Variants in EYS observed in about 807,000 individuals in gnomAD.
EYS encodes the protein protein eyes shut homolog.
Under a neutral mutation model 282.1 loss-of-function variants are expected in EYS, and 250 were observed. The observed-to-expected ratio is 0.89, with a 90% CI of 0.80 to 0.98. The LOEUF is 0.98. Ranked by LOEUF, EYS falls within the 50% of genes least tolerant of loss-of-function variation. The pLI is 0.00. For synonymous variants in EYS, 1,355 were observed against 1,282.9 expected, an observed-to-expected ratio of 1.06 and a Z score of -1.20; for missense variants, 4,016 against 3,709.0, an observed-to-expected ratio of 1.08 and a Z score of -2.15.
At chr6:64,686,024 C>G (rs1364197165) in intron 22 of EYS, among the ~76,000 whole-genome samples, 1 of 151,360 alleles carries the variant, frequency 6.6e-6, no homozygotes, top group East Asian at 1.9e-4. Flanking sequence ...TTGGAAATTA[C>G]ACAATGCACT....
chr6:65,397,562 G>T (rs1401482717), intron 7 of EYS, among the ~76,000 whole-genome samples: 1 of 145,646 alleles, frequency 6.9e-6, no homozygotes, highest in East Asian at 2.0e-4. Context: ...TATTATTTTG[G>T]GTGGCTAAGT....
chr6:64,671,068 A>G (rs1467017486), intron 22 of EYS, among the ~76,000 whole-genome samples: 1 of 152,222 alleles, frequency 6.6e-6, no homozygotes, highest in Non-Finnish European at 1.5e-5. Flanking sequence ...CCTCAAGGCT[A>G]GAAAAACTTC....
At chr6:65,139,580 C>T (rs1430094272) in intron 12 of EYS, among the ~76,000 whole-genome samples, 1 of 152,042 alleles carries the variant, frequency 6.6e-6, no homozygotes, top group East Asian at 1.9e-4. Flanking sequence ...AGCCCTGAAC[C>T]TAAAATAAAC....
Position 64,152,502 on chromosome 6 carries a change from A to G in EYS, c.6425-70500T>C, listed in dbSNP as rs185867972. Among the ~76,000 whole-genome samples, 483 of 152,238 alleles carry G rather than the reference A, an allele frequency of 3.2e-3. 3 individuals are homozygous for G. The highest frequency in any genetic ancestry group is 0.011 in the African/African-American group (442 of 41,552). On this transcript the variant is annotated intron_variant, in intron 31 of 42. Transcript: ENST00000503581. ...TACCTTGCTGCTTCTATAATTTTCTATCCTGATCCCTCAATTTTTAGTAGT... is the reference window on the plus strand; with the variant it reads ...TACCTTGCTGCTTCTATAATTTTCTGTCCTGATCCCTCAATTTTTAGTAGT...
At chr6:65,301,363 C>A (rs1443534165) in intron 11 of EYS, among the ~76,000 whole-genome samples, 2 of 152,204 alleles carry the variant, frequency 1.3e-5, no homozygotes, top group Non-Finnish European at 2.9e-5. Flanking sequence ...TTAGGCATCG[C>A]GTCATAGAGG....
At chr6:64,116,549 A>C (rs1389870601) in intron 31 of EYS, among the ~76,000 whole-genome samples, 1 of 152,174 alleles carries the variant, frequency 6.6e-6, no homozygotes, top group Non-Finnish European at 1.5e-5. Flanking sequence ...ATTACCTTGA[A>C]TGTAAATAGG....
At chr6:64,442,098 C>T (rs2095662) in intron 26 of EYS, among the ~76,000 whole-genome samples, 3,713 of 152,104 alleles carry the variant, frequency 0.024, 122 homozygotes, top group African/African-American at 0.076. Context: ...ATGGCTTTGA[C>T]CAAAATGCTG....
intron 5 of EYS, among the ~76,000 whole-genome samples, chr6:65,468,433 G>A (rs938971413): frequency 3.9e-5 from 6 of 151,974 alleles, no homozygotes; most frequent in Admixed American, 6.6e-5. Flanking sequence ...AGAAGTCTAC[G>A]GCCTGGGTGC....
chr6:64,200,885 T>C (rs1765441463), intron 31 of EYS, among the ~76,000 whole-genome samples: 1 of 152,124 alleles, frequency 6.6e-6, no homozygotes, highest in Admixed American at 6.5e-5. Flanking sequence ...GGATAGTGAG[T>C]ACTTAGTCTA....
intron 15 of EYS, among the ~76,000 whole-genome samples, chr6:64,940,285 T>C (rs916124342): frequency 6.6e-6 from 1 of 152,032 alleles, no homozygotes; most frequent in Non-Finnish European, 1.5e-5. Context: ...CCTAGGTGTG[T>C]TCCCAGTGGT....
intron 29 of EYS, among the ~76,000 whole-genome samples, chr6:64,341,119 G>GTAAACTA (rs1771091362): frequency 6.6e-6 from 1 of 151,674 alleles, no homozygotes; most frequent in Non-Finnish European, 1.5e-5. Flanking sequence ...TGGTGGGAAT[G>GTAAACTA]GTTCAACCAC....
intron 12 of EYS, among the ~76,000 whole-genome samples, chr6:65,072,431 TCTTTCTAAACATCCATAAAGACTAATAG>T (rs1773928537): frequency 6.6e-6 from 1 of 151,858 alleles, no homozygotes; most frequent in African/African-American, 2.4e-5. Flanking sequence ...GAATTATGTC[TCTTTCTAAACATCCATAAAGACTAATAG>T]TTTGTGAAAA....
intron 35 of EYS, among the ~76,000 whole-genome samples, chr6:63,917,379 T>C (rs776440745): frequency 5.9e-5 from 9 of 152,242 alleles, no homozygotes; most frequent in Non-Finnish European, 8.8e-5. Flanking sequence ...TAAAGCTAAC[T>C]GCAAACAACC....
rs866509760 is a variant in EYS, at chr6:65,519,704, A to T, written c.-332-23711T>A. On this transcript the variant is annotated intron_variant, in intron 2 of 42. Coordinates refer to ENST00000503581, the MANE Select transcript of EYS (RefSeq NM_001142800.2). ...ATAATAACTATATATATATATATAT[A>T]TATATTTTTTTTTTTTTTTTTTTTT... 9.1e-3 allele frequency among the ~76,000 whole-genome samples: 329 copies of T among 36,210 alleles called. 6 individuals carry two copies. Among genetic ancestry groups the T allele is most frequent in the African/African-American group, 0.036 (239 of 6,558 alleles). 23.8% of individuals were successfully genotyped at this position (36,210 alleles called of 152,430 possible).
At chr6:64,915,904 AGTTCCT>A (rs1768145827) in intron 15 of EYS, among the ~76,000 whole-genome samples, 1 of 152,096 alleles carries the variant, frequency 6.6e-6, no homozygotes. Flanking sequence ...CCTCCTCTCA[AGTTCCT>A]GTTTTTCTTT....
At chr6:65,234,260 T>G (rs1234156037) in intron 12 of EYS, among the ~76,000 whole-genome samples, 1 of 152,140 alleles carries the variant, frequency 6.6e-6, no homozygotes, top group Admixed American at 6.6e-5. Context: ...AACCATTTTT[T>G]CTCAAAGTGG....
intron 41 of EYS, among the ~76,000 whole-genome samples, chr6:63,759,734 C>T (rs749714168): frequency 3.3e-5 from 5 of 152,018 alleles, no homozygotes; most frequent in Non-Finnish European, 7.4e-5. Context: ...TTCCACATGG[C>T]CAAATACACC....
chr6:64,132,911 AATGT>A (rs1774031055), intron 31 of EYS, among the ~76,000 whole-genome samples: 1 of 151,996 alleles, frequency 6.6e-6, no homozygotes, highest in East Asian at 1.9e-4. Context: ...GGTATATATA[AATGT>A]GGATTTTCAC....
chr6:63,949,170 T>G (rs1281841784), intron 35 of EYS, among the ~76,000 whole-genome samples: 4 of 152,322 alleles, frequency 2.6e-5, no homozygotes, highest in African/African-American at 9.6e-5. Context: ...GACATAGTTC[T>G]GTTAGAAGAA....
Sources: allele counts gnomAD v4.1 joint callset (sites outside exome capture counted in the v4.1 genomes callset), GRCh38; gene constraint gnomAD v4.1.1; transcripts MANE v1.5; gene names NCBI Gene and HGNC (gene_info 2026-07-23, HGNC 2026-07-21).